Variants in RYR1 observed in about 807,000 individuals in gnomAD.
RYR1 encodes the protein central core disease of muscle.
Under a neutral mutation model 583.5 loss-of-function variants are expected in RYR1, and 342 were observed. The ratio of observed to expected loss-of-function variants is 0.59; its 90% CI spans 0.54 to 0.64. The LOEUF (loss-of-function observed/expected upper bound fraction) is 0.64. Among genes scored for constraint, RYR1 ranks in the 30% least tolerant of loss-of-function variants. The pLI, the probability that RYR1 is intolerant of heterozygous loss-of-function variation, is 0.00. For synonymous variants in RYR1, 2,791 were observed against 2,822.5 expected (o/e 0.99, Z 0.35); for missense variants, 6,032 against 6,917.2 (o/e 0.87, Z 4.54).
intron 96 of RYR1, 69 bp from the exon 97 acceptor site, chr19:38,575,850 G>A (rs1973933022): frequency 1.3e-5 from 20 of 1,533,438 alleles, no homozygotes; most frequent in African/African-American, 1.4e-5. Context: ...CAACCCTGTC[G>A]TGGCTGACAG....
intron 16 of RYR1, among the ~76,000 whole-genome samples, chr19:38,455,961 T>C (rs191098796): frequency 6.9e-6 from 1 of 145,880 alleles, no homozygotes; most frequent in Non-Finnish European, 1.5e-5. Flanking sequence ...GTTAGATCTC[T>C]GAAATGTTTT....
intron 63 of RYR1, 49 bp from the exon 64 acceptor site, chr19:38,514,977 G>A (rs758297486): frequency 4.0e-5 from 54 of 1,338,706 alleles, no homozygotes; most frequent in Non-Finnish European, 5.7e-5. Context: ...GGGTGGGGAG[G>A]GCTTGTCTTG....
At chr19:38,502,779 G>GCAGGGGCAGGGGCAGGGA in intron 48 of RYR1, 52 bp downstream of exon 48, 1 of 966,314 alleles carries the variant, frequency 1.0e-6, no homozygotes, top group Non-Finnish European at 1.5e-6. Context: ...AGGGGCAGGG[G>GCAGGGGCAGGGGCAGGGA]CAGGGGCAGG....
At chr19:38,495,645 GACA>G (rs1418692737) in intron 39 of RYR1, among the ~76,000 whole-genome samples, 6 of 152,048 alleles carry the variant, frequency 3.9e-5, no homozygotes, top group East Asian at 1.9e-4. Flanking sequence ...ACCATGCTGG[GACA>G]ACATTTGACA....
chr19:38,547,025 A>G (rs1239393869), intron 88 of RYR1, among the ~76,000 whole-genome samples: 1 of 123,322 alleles, frequency 8.1e-6, no homozygotes, highest in Non-Finnish European at 1.7e-5. Flanking sequence ...ATGTGGATAT[A>G]TTAGGATCCC....
In RYR1 at chr19:38,468,048, T is replaced by TCATC. The variant is rs753008033; in HGVS notation, c.3381+279_3381+282dup. Among the ~76,000 whole-genome samples, 532 of 67,646 alleles carry TCATC rather than the reference T, an allele frequency of 7.9e-3. 10 individuals carry two copies. Among genetic ancestry groups the TCATC allele is most frequent in the South Asian group, 0.049 (126 of 2,562 alleles). The allele number at this position is 67,646 out of a possible 152,430, so 44.4% of individuals were successfully genotyped here. A position where few individuals can be genotyped will look rare whatever the true frequency, so the allele number is the denominator to read the frequency against. On this transcript the variant is annotated intron_variant, in intron 25 of 105. Coordinates refer to ENST00000359596, the MANE Select transcript of RYR1 (RefSeq NM_000540.3). The stretch of plus-strand genomic sequence containing the variant: ...ATTCATCCATCCATCCATCCATCCA[T>TCATC]CATCCATCCATCCATCCATCCATCC...
rs145329389 is a variant in RYR1, at chr19:38,450,902, C to T, written c.1123-862C>T. On this transcript the variant is annotated intron_variant, in intron 11 of 105. Transcript: ENST00000359596. ...TTGTAGCTCGATTTTCCAGGCTGCT[C>T]TTTGTTAGAAAAGAAATTATTTTGG... is the stretch of plus-strand genomic sequence containing the variant. Among the ~76,000 whole-genome samples, 56 of 152,316 alleles carry T rather than the reference C, an allele frequency of 3.7e-4. No homozygotes were observed. In the East Asian group the frequency reaches 8.1e-3, roughly 22 times the overall value.
chr19:38,534,620 G>T, intron 78 of RYR1, 100 bp from the exon 79 acceptor site: 1 of 981,492 alleles, frequency 1.0e-6, no homozygotes, highest in Non-Finnish European at 1.6e-6. Flanking sequence ...AGTGAGTTGT[G>T]GATGTGGCTG....
At chr19:38,452,688 T>C in intron 12 of RYR1, 131 bp from the exon 13 acceptor site, 1 of 796,808 alleles carries the variant, frequency 1.3e-6, no homozygotes, top group South Asian at 1.8e-5. Flanking sequence ...TGCTTTTCCC[T>C]CTCTGCGTCT....
rs1272468407 is a variant in RYR1, at chr19:38,489,273, G to A, written c.5644G>A (p.Glu1882Lys). 6.2e-7 allele frequency: 1 copy of A among 1,607,464 alleles called. No individual in the cohort carries two copies. Among genetic ancestry groups the A allele is most frequent in the Non-Finnish European group, 8.5e-7 (1 of 1,174,044 alleles). Residue 1882 changes from glutamate (E) to lysine (K), a missense_variant, in exon 35 of 106, where the codon GAA becomes AAA. Coordinates refer to ENST00000359596, the MANE Select transcript of RYR1 (RefSeq NM_000540.3). The stretch of plus-strand genomic sequence containing the variant: ...GGAAGAAGAGGAGGAGGACGAGGAG[G>A]AAGAGGGTGAAGAGGAAGATGAGGA... ...TEEEEEEDEE[E>K]EGEEEDEEEK...
At chr19:38,456,311 T>A (rs1337240303) in intron 16 of RYR1, among the ~76,000 whole-genome samples, 2 of 136,950 alleles carry the variant, frequency 1.5e-5, no homozygotes, top group Non-Finnish European at 3.1e-5. Context: ...AGTCTCGCTC[T>A]GTCACCCAGA....
At chr19:38,547,363 TAAAAATTAC>T (rs982820327) in intron 88 of RYR1, among the ~76,000 whole-genome samples, 6 of 151,940 alleles carry the variant, frequency 3.9e-5, no homozygotes, top group Non-Finnish European at 7.4e-5. Flanking sequence ...CATTAAAATT[TAAAAATTAC>T]AAAAATAAAC....
chr19:38,532,354 C>G (rs1971774798), intron 76 of RYR1, 136 bp from the exon 77 acceptor site: 1 of 846,110 alleles, frequency 1.2e-6, no homozygotes, highest in Admixed American at 2.0e-5. Flanking sequence ...GACTCCTGAT[C>G]TCAAGTGATC....
At position 38,580,538 on chromosome 19, in the gene RYR1, C is replaced by T. The variant is rs764630868; in HGVS notation, c.14646+34C>T. The T allele has an allele frequency of 3.1e-6, 5 of 1,613,380 alleles. No homozygotes were observed. The Admixed American group carries it at 6.7e-5, about 22-fold the overall frequency. On this transcript the variant is annotated intron_variant, in intron 101 of 105. Transcript: ENST00000359596. ...CTCCCCTAGCACTCTGGGACCCTTC[C>T]TTCTCGCATCTGTTGAAGGAGTTAA...
At chr19:38,472,328 T>G (rs1439039059) in intron 27 of RYR1, among the ~76,000 whole-genome samples, 1 of 152,080 alleles carries the variant, frequency 6.6e-6, no homozygotes, top group Non-Finnish European at 1.5e-5. Flanking sequence ...CTCAAACTCC[T>G]GACCTCAGGT....
chr19:38,458,348 A>G (rs1967536759), intron 18 of RYR1, 56 bp downstream of exon 18: 4 of 1,569,610 alleles, frequency 2.5e-6, no homozygotes, highest in African/African-American at 1.3e-5. Context: ...CAGCATTTCT[A>G]AGTCTCTGAC....
At chr19:38,536,606 TTC>T in intron 82 of RYR1, 142 bp from the exon 83 acceptor site, 1 of 936,596 alleles carries the variant, frequency 1.1e-6, no homozygotes, top group Non-Finnish European at 1.7e-6. Context: ...CACTCTGCCT[TTC>T]TCTCTGTGGG....
chr19:38,550,641 G>T (rs1045409845), intron 89 of RYR1, among the ~76,000 whole-genome samples: 1 of 152,080 alleles, frequency 6.6e-6, no homozygotes, highest in Non-Finnish European at 1.5e-5. Context: ...CACCCAAAGT[G>T]CTGGGATTAC....
At position 38,459,387 on chromosome 19, in the gene RYR1, C is replaced by T. The variant is rs770580239; in HGVS notation, c.2360+49C>T. 1.3e-4 allele frequency: 201 copies of T among 1,556,756 alleles called. 4 individuals are homozygous for T. In the Admixed American group the frequency reaches 3.3e-3, roughly 26 times the overall value. On this transcript the variant is annotated intron_variant, in intron 19 of 105. Coordinates refer to ENST00000359596, the MANE Select transcript of RYR1 (RefSeq NM_000540.3). ...GGCCAGTCCTCAGACCTAGGACTGA[C>T]CTGAGACAGCTTCCCCAGTCACTCC... is the stretch of plus-strand genomic sequence containing the variant.
Sources: gnomAD v4.1 joint callset for allele counts (sites outside exome capture counted in the v4.1 genomes callset) on GRCh38, gnomAD v4.1.1 for gene constraint, MANE v1.5 for transcripts, NCBI Gene and HGNC (gene_info 2026-07-23, HGNC 2026-07-21) for gene names.